The following DPP6 variants were observed in gnomAD, a reference collection of about 807,000 sequenced individuals.
The protein encoded by DPP6 is A-type potassium channel modulatory protein DPP6.
DPP6 carries 69 observed loss-of-function variants against 122.6 expected under a neutral mutation model. That is an observed-to-expected ratio of 0.56 (90% CI 0.46 to 0.69). The LOEUF is 0.69. DPP6 is among the 30% of genes least tolerant of loss of function. DPP6 has a pLI of 0.00. For synonymous variants in DPP6, 418 were observed against 433.1 expected (o/e 0.97, Z 0.43); for missense variants, 928 against 1,116.9 (o/e 0.83, Z 2.41).
chr7:153,987,058 T>C (rs1004171349), intron 1 of DPP6, among the ~76,000 whole-genome samples: 3 of 152,270 alleles, frequency 2.0e-5, no homozygotes, highest in African/African-American at 7.2e-5. Context: ...CACAGACTGC[T>C]CAGAAAGTAA....
chr7:154,450,709 CA>C (rs1820286344), intron 2 of DPP6, among the ~76,000 whole-genome samples: 1 of 152,122 alleles, frequency 6.6e-6, no homozygotes, highest in Non-Finnish European at 1.5e-5. Context: ...ATCAGATGAC[CA>C]GGGTTTAGAG....
chr7:154,097,372 C>T lies in DPP6; in HGVS notation c.243+44309C>T, dbSNP rs1428177707. Among the ~76,000 whole-genome samples, 11 of 152,212 alleles carry T rather than the reference C, an allele frequency of 7.2e-5. 1 individual carries two copies. Among genetic ancestry groups the T allele is most frequent in the Non-Finnish European group, 1.6e-4 (11 of 68,046 alleles). ...CCGAGGCCTCTATGTGCAGGGCACA[C>T]CTCCACTCTCCCGCCGTGCTGCGAG... is the stretch of plus-strand genomic sequence containing the variant. On this transcript the variant is annotated intron_variant, in intron 1 of 25. Coordinates refer to ENST00000377770, the MANE Select transcript of DPP6 (RefSeq NM_130797.4).
At chr7:154,132,034 G>A (rs1795307699) in intron 1 of DPP6, among the ~76,000 whole-genome samples, 1 of 152,120 alleles carries the variant, frequency 6.6e-6, no homozygotes, top group Non-Finnish European at 1.5e-5. Context: ...TTGCAGATGA[G>A]GGTGAGACCT....
chr7:154,320,781 C>T (rs764541488), intron 1 of DPP6, among the ~76,000 whole-genome samples: 16 of 152,112 alleles, frequency 1.1e-4, no homozygotes, highest in Non-Finnish European at 2.1e-4. Context: ...CCACTGTGCC[C>T]GGCCCCTATT....
At chr7:154,568,417 G>A (rs988846189) in intron 5 of DPP6, among the ~76,000 whole-genome samples, 5 of 152,206 alleles carry the variant, frequency 3.3e-5, no homozygotes, top group South Asian at 2.1e-4. Flanking sequence ...GGAGCACCCC[G>A]ACAGTGGGAT....
intron 1 of DPP6, among the ~76,000 whole-genome samples, chr7:154,379,907 A>G (rs1255407903): frequency 6.6e-6 from 1 of 152,188 alleles, no homozygotes; most frequent in South Asian, 2.1e-4. Flanking sequence ...ACTTATGTAC[A>G]ATTACTGCCC....
intron 1 of DPP6, among the ~76,000 whole-genome samples, chr7:154,230,086 T>C (rs77204230): frequency 6.6e-6 from 1 of 152,274 alleles, no homozygotes; most frequent in Non-Finnish European, 1.5e-5. Flanking sequence ...ACTGGCCACC[T>C]GAGAAGCAGC....
At chr7:154,335,492 T>C (rs529005517) in intron 1 of DPP6, among the ~76,000 whole-genome samples, 21 of 152,336 alleles carry the variant, frequency 1.4e-4, no homozygotes, top group African/African-American at 4.1e-4. Flanking sequence ...TGTGCAGACG[T>C]AGGTCATAAA....
chr7:154,591,904 G>A (rs535025561), intron 5 of DPP6, among the ~76,000 whole-genome samples: 1 of 152,348 alleles, frequency 6.6e-6, no homozygotes, highest in East Asian at 1.9e-4. Flanking sequence ...TCTGAAGGGA[G>A]CAGGATGAGG....
intron 2 of DPP6, among the ~76,000 whole-genome samples, chr7:154,459,974 C>CTTTTTTTTTTTTTTTTTTTT (rs71184004): frequency 1.7e-5 from 1 of 58,566 alleles, no homozygotes; most frequent in African/African-American, 7.4e-5. Flanking sequence ...TATTCATGTG[C>CTTTTTTTTTTTTTTTTTTTT]TTTTTTTTTT....
intron 1 of DPP6, among the ~76,000 whole-genome samples, chr7:154,057,072 C>T (rs1800888843): frequency 6.6e-6 from 1 of 152,192 alleles, no homozygotes; most frequent in African/African-American, 2.4e-5. Context: ...CTCTTGATCC[C>T]AGTGGCCCCT....
At chr7:154,479,766 G>C (rs183206017) in intron 3 of DPP6, among the ~76,000 whole-genome samples, 105 of 151,970 alleles carry the variant, frequency 6.9e-4, no homozygotes, top group Non-Finnish European at 1.4e-3. Flanking sequence ...TCCACTCTAG[G>C]GGCTGTGATG....
intron 1 of DPP6, chr7:154,027,117 G>T (rs1450949749): frequency 6.8e-6 from 1 of 147,954 alleles, no homozygotes; most frequent in Non-Finnish European, 1.5e-5. Flanking sequence ...TATGATCAGG[G>T]AGTTCTAAAG....
At chr7:154,361,790 A>G (rs1367801614) in intron 1 of DPP6, among the ~76,000 whole-genome samples, 2 of 152,230 alleles carry the variant, frequency 1.3e-5, no homozygotes, top group Admixed American at 6.5e-5. Context: ...TAATCCACAC[A>G]TAGCATTATG....
rs867389550 is a variant in DPP6, at chr7:154,707,222, T to A, written c.763-20545T>A. On this transcript the variant is annotated intron_variant, in intron 7 of 25. Transcript: ENST00000377770. ...GATGACACTTATTATGCTAATAATA[T>A]GTTACCTTTGAAAGTGTTTTATAAC... Among the ~76,000 whole-genome samples, 42 of 152,342 alleles carry A rather than the reference T, an allele frequency of 2.8e-4. 1 individual carries two copies. The highest frequency in any genetic ancestry group is 1.0e-3 in the African/African-American group (42 of 41,572).
intron 18 of DPP6, among the ~76,000 whole-genome samples, chr7:154,869,615 C>T (rs1380628631): frequency 4.6e-5 from 7 of 152,200 alleles, no homozygotes; most frequent in African/African-American, 1.7e-4. Flanking sequence ...CCTGGAGTCC[C>T]AGCCTGCAGG....
At chr7:154,824,997 T>C (rs1800049347) in intron 16 of DPP6, among the ~76,000 whole-genome samples, 1 of 152,228 alleles carries the variant, frequency 6.6e-6, no homozygotes, top group African/African-American at 2.4e-5. Context: ...ACTAAATCCA[T>C]ATTTCCATAT....
chr7:154,884,650 C>A (rs955830281), intron 21 of DPP6: 5 of 141,312 alleles, frequency 3.5e-5, no homozygotes, highest in African/African-American at 1.4e-4. Context: ...TGCTCTTACC[C>A]ATACATGCTC....
intron 1 of DPP6, among the ~76,000 whole-genome samples, chr7:154,146,577 G>C (rs1341820710): frequency 2.0e-5 from 3 of 152,200 alleles, no homozygotes; most frequent in African/African-American, 7.2e-5. Context: ...CTCCCTGCAG[G>C]CTTGTGAAAT....
Sources: allele counts gnomAD v4.1 joint callset (sites outside exome capture counted in the v4.1 genomes callset), GRCh38; gene constraint gnomAD v4.1.1; transcripts MANE v1.5; gene names NCBI Gene and HGNC (gene_info 2026-07-23, HGNC 2026-07-21).